The following FBXO46 variants were observed in gnomAD, a reference collection of about 807,000 sequenced individuals.
FBXO46 encodes the protein F-box protein 46, also known as F-box only protein 46.
In FBXO46, 13 loss-of-function variants were observed where a neutral mutation model predicts 30.7. The observed-to-expected ratio is 0.42, with a 90% CI of 0.28 to 0.67. The LOEUF (loss-of-function observed/expected upper bound fraction) is 0.67. FBXO46 is among the 30% of genes least tolerant of loss of function. FBXO46 has a pLI of 0.21. For missense variants in FBXO46, 754 were observed against 871.5 expected (o/e 0.87, Z 1.70); for synonymous variants, 467 against 385.8 (o/e 1.21, Z -2.47).
chr19:45,716,005 G>A (rs1485646587), intron 1 of FBXO46: 1 of 151,926 alleles, frequency 6.6e-6, no homozygotes, highest in Non-Finnish European at 1.5e-5. Context: ...TCACTCCACA[G>A]CCTCCAAAAC....
At chr19:45,723,870 G>A (rs1968205582) in intron 1 of FBXO46, among the ~76,000 whole-genome samples, 1 of 151,950 alleles carries the variant, frequency 6.6e-6, no homozygotes, top group African/African-American at 2.4e-5. Context: ...ATGTTGGCCA[G>A]GCTGGTCTTG....
In FBXO46 at chr19:45,712,062, C is replaced by T. The variant is rs767670856; in HGVS notation, c.1434G>A (p.Glu478=). ...EPRQYMLLLP[E]HVLVKIFSFL... ...AGCTGAAGATCTTGACCAGCACGTG[C>T]TCGGGCAGCAGCAGCATGTACTGTC... The change falls in exon 2 of 2, where the codon GAG becomes GAA. Residue 478 remains glutamate (E), a synonymous_variant. Transcript: ENST00000317683. The surrounding 1 kb of genome is among the most constrained non-coding windows in gnomAD (Gnocchi z 8.8). 3 of 1,610,770 alleles carry T rather than the reference C, an allele frequency of 1.9e-6. No individual in the cohort carries two copies. The African/African-American group carries it at 4.0e-5, about 22-fold the overall frequency.
upstream of FBXO46, among the ~76,000 whole-genome samples, chr19:45,731,884 G>GT (rs979482253): frequency 5.9e-5 from 9 of 151,546 alleles, no homozygotes; most frequent in African/African-American, 2.2e-4. Context: ...TTGGGAGGCC[G>GT]AGGCGGGCTG....
chr19:45,711,681 G>T lies in FBXO46; in HGVS notation c.*3C>A. The T allele has an allele frequency of 1.3e-6, 2 of 1,525,652 alleles. No individual in the cohort carries two copies. The highest frequency in any genetic ancestry group is 1.2e-5 in the South Asian group (1 of 83,832). The allele number at this position is 1,525,652 out of a possible 1,614,324, so 94.5% of individuals were successfully genotyped here. ...GTGGGCTCTCCCCTCCCCTCCCCCG[G>T]CTTCACCTCCCCTCCTCCCGGCCGG... On this transcript the variant is annotated 3_prime_UTR_variant, in exon 2 of 2. Transcript: ENST00000317683.
intron 1 of FBXO46, chr19:45,716,664 A>C (rs907441252): frequency 6.6e-6 from 1 of 151,582 alleles, no homozygotes; most frequent in African/African-American, 2.4e-5. Context: ...TAACACTTTA[A>C]GATGAATCTT....
At chr19:45,732,610 T>TTTTTTTTTTTTTC (rs1568551429), upstream of FBXO46, among the ~76,000 whole-genome samples, 2 of 112,334 alleles carry the variant, frequency 1.8e-5, no homozygotes, top group South Asian at 3.1e-4. Context: ...TTTTTTTTTT[T>TTTTTTTTTTTTTC]TGAGACAGAG....
chr19:45,715,353 T>C (rs1968074541), intron 1 of FBXO46: 1 of 152,212 alleles, frequency 6.6e-6, no homozygotes, highest in African/African-American at 2.4e-5. Flanking sequence ...TAAAGTTTTA[T>C]TGAAACATGC....
chr19:45,731,009 G>T (rs539581309), upstream of FBXO46: 2 of 152,282 alleles, frequency 1.3e-5, no homozygotes, highest in Non-Finnish European at 2.9e-5. Flanking sequence ...GCTTGGAGGT[G>T]GGGTAGGAAG....
chr19:45,720,147 G>A (rs1315811044), intron 1 of FBXO46, among the ~76,000 whole-genome samples: 1 of 151,176 alleles, frequency 6.6e-6, no homozygotes, highest in South Asian at 2.1e-4. Flanking sequence ...TTTTTAAGAC[G>A]GAGTCTTGCT....
chr19:45,723,731 C>T (rs1968203295), intron 1 of FBXO46, among the ~76,000 whole-genome samples: 1 of 152,120 alleles, frequency 6.6e-6, no homozygotes, highest in Admixed American at 6.5e-5. Flanking sequence ...ATGATCTCAG[C>T]TCACTGCAAC....
upstream of FBXO46, among the ~76,000 whole-genome samples, chr19:45,732,004 C>T (rs186127745): frequency 9.5e-4 from 144 of 151,776 alleles, no homozygotes; most frequent in African/African-American, 3.1e-3. Flanking sequence ...GTAGTCCCAG[C>T]TACTCGGGAG....
intron 1 of FBXO46, among the ~76,000 whole-genome samples, chr19:45,727,779 G>A (rs1968258436): frequency 1.3e-5 from 2 of 152,064 alleles, no homozygotes; most frequent in African/African-American, 4.8e-5. Context: ...TGCCCAATGA[G>A]GCCTTAATGA....
chr19:45,713,389 G>T lies in FBXO46; in HGVS notation c.107C>A (p.Ala36Asp). The change falls in exon 2 of 2, where the codon GCC (alanine) becomes GAC (aspartate). Residue 36 changes from alanine to aspartate, a missense_variant. Around this residue, in one of 5 missense-constraint regions of FBXO46, gnomAD observed 97 missense variants for 113.0 expected, o/e 0.86. Coordinates refer to ENST00000317683, the MANE Select transcript of FBXO46 (RefSeq NM_001080469.2). The surrounding 1 kb of genome is among the most constrained non-coding windows in gnomAD (Gnocchi z 4.7). Reference sequence around the variant, plus strand: ...GGCCCCGCCACCAGGCTCAGGGCAGGCTGATGGCTTGAGGGCCGCAGAAGG... The same window carrying T: ...GGCCCCGCCACCAGGCTCAGGGCAGTCTGATGGCTTGAGGGCCGCAGAAGG... ...RPPSAALKPS[A>D]CPEPGGGAEP... 2 of 1,611,204 alleles carry T rather than the reference G, an allele frequency of 1.2e-6. No homozygotes were observed. Among genetic ancestry groups the T allele is most frequent in the Non-Finnish European group, 1.7e-6 (2 of 1,178,008 alleles).
At chr19:45,725,199 T>C (rs933319242) in intron 1 of FBXO46, among the ~76,000 whole-genome samples, 3 of 151,844 alleles carry the variant, frequency 2.0e-5, no homozygotes, top group African/African-American at 7.3e-5. Flanking sequence ...GGTAGATCAC[T>C]TGAGCTCAGG....
In FBXO46 at chr19:45,710,734, CAGAG is replaced by C. The variant is rs1488367996; in HGVS notation, c.*946_*949del. The C allele has an allele frequency of 5.9e-5, 9 of 152,346 alleles. No homozygotes were observed. The highest frequency in any genetic ancestry group is 1.9e-4 in the East Asian group (1 of 5,202). The allele number at this position is 152,346 out of a possible 1,614,324, so 9.4% of individuals were successfully genotyped here. A position where few individuals can be genotyped will look rare whatever the true frequency, so the allele number is the denominator to read the frequency against. On this transcript the variant is annotated 3_prime_UTR_variant, in exon 2 of 2. Transcript: ENST00000317683. The stretch of plus-strand genomic sequence containing the variant: ...GAAAGAAAAAAAAGAAAACAAAAAA[CAGAG>C]AGAACAAACAAAAATACCCCAGACC...
rs1968030715 is a variant in FBXO46 at position 45,713,312 on chromosome 19, T to C, written c.184A>G (p.Thr62Ala). The change falls in exon 2 of 2, where the codon ACT becomes GCT. Residue 62 changes from threonine to alanine, a missense_variant. This residue lies in a region of FBXO46 where 97 missense variants were observed against 113.0 expected (regional missense o/e 0.86). Coordinates refer to ENST00000317683, the MANE Select transcript of FBXO46 (RefSeq NM_001080469.2). The surrounding 1 kb of genome is among the most constrained non-coding windows in gnomAD (Gnocchi z 4.7). ...GCCGGCTGGGAGGCAGGGACCTCAGTGGCCAAGGCGGGTGGTGTGTTCTCT... is the reference window on the plus strand; with the variant it reads ...GCCGGCTGGGAGGCAGGGACCTCAGCGGCCAAGGCGGGTGGTGTGTTCTCT... ...HSENTPPALA[T>A]EVPASQPAPL... is the part of the protein sequence containing the mutation. 1.2e-6 allele frequency: 2 copies of C among 1,613,354 alleles called. No homozygotes were observed. The highest frequency in any genetic ancestry group is 1.7e-5 in the Admixed American group (1 of 59,982).
chr19:45,724,656 T>C (rs998486492), intron 1 of FBXO46, among the ~76,000 whole-genome samples: 1 of 151,770 alleles, frequency 6.6e-6, no homozygotes, highest in African/African-American at 2.4e-5. Flanking sequence ...AAAAAAAATT[T>C]CTTATTTTTT....
chr19:45,725,606 CG>C (rs1968228285), intron 1 of FBXO46, among the ~76,000 whole-genome samples: 1 of 151,802 alleles, frequency 6.6e-6, no homozygotes, highest in African/African-American at 2.4e-5. Context: ...TGGTGGTGTG[CG>C]CCTGCAGTCC....
intron 1 of FBXO46, chr19:45,716,936 G>GACT (rs1968098647): frequency 6.6e-6 from 1 of 152,068 alleles, no homozygotes; most frequent in African/African-American, 2.4e-5. Flanking sequence ...CCACCTCCAG[G>GACT]ACTGGTACTC....
Sources: gnomAD v4.1 joint callset for allele counts (sites outside exome capture counted in the v4.1 genomes callset) on GRCh38, gnomAD v4.1.1 for gene constraint, gnomAD v4.1.1 regional missense constraint, Gnocchi (gnomAD v3.1) non-coding constraint, MANE v1.5 for transcripts, NCBI Gene and HGNC (gene_info 2026-07-23, HGNC 2026-07-21) for gene names.